DYNLRB2: variants seen among roughly 807,000 people sequenced by gnomAD.
DYNLRB2 encodes the protein dynein light chain roadblock-type 2, also known as bithoraxoid-like protein.
In DYNLRB2, 14 loss-of-function variants were observed where a neutral mutation model predicts 12.6. The ratio of observed to expected loss-of-function variants is 1.11; its 90% confidence interval spans 0.73 to 1.73. The LOEUF is 1.73. DYNLRB2 is among the 40% of genes most tolerant of loss of function. The probability of loss-of-function intolerance (pLI) is 0.00; values close to 1 mark genes in which losing one functional copy is unlikely to be tolerated. For synonymous variants in DYNLRB2, 53 were observed against 37.0 expected (o/e 1.43, Z -1.57); for missense variants, 142 against 117.7 (o/e 1.21, Z -0.95).
In DYNLRB2 at chr16:80,541,435, GA is replaced by G. The variant is rs915633504; in HGVS notation, c.3+364del. ...GGGGGCGGGAGGCCGAGATGGAGAG[GA>G]AAAAAAATCAGACCCTTAGAGAGAA... On this transcript the variant is annotated intron_variant, in intron 1 of 3. Transcript: ENST00000305904. 1.1e-5 allele frequency: 11 copies of G among 976,332 alleles called. No individual in the cohort carries two copies. The African/African-American group carries it at 1.6e-4, about 14-fold the overall frequency. 60.5% of individuals were successfully genotyped at this position (976,332 alleles called of 1,614,324 possible).
rs774319924 is a variant in DYNLRB2, at chr16:80,549,520, C to T, written c.116C>T (p.Thr39Ile). The T allele has an allele frequency of 6.2e-7, 1 of 1,612,146 alleles. No individual in the cohort carries two copies. The highest frequency in any genetic ancestry group is 8.5e-7 in the Non-Finnish European group (1 of 1,178,794). ...CGAACAACCTTGGACAACTCAACAACTGTTCAATATGCAGGCCTTCTTCAT... is the reference window on the plus strand; with the variant it reads ...CGAACAACCTTGGACAACTCAACAATTGTTCAATATGCAGGCCTTCTTCAT... Reference protein sequence around the residue: ...PIRTTLDNSTTVQYAGLLHHL... With the variant: ...PIRTTLDNSTIVQYAGLLHHL... Residue 39 changes from threonine to isoleucine, a missense_variant, in exon 3 of 4, where the codon ACT becomes ATT. Thr to Ile is a moderately conservative substitution (Grantham distance 89). Transcript: ENST00000305904.
intron 1 of DYNLRB2, among the ~76,000 whole-genome samples, chr16:80,541,921 C>G (rs1360002777): frequency 6.6e-6 from 1 of 152,204 alleles, no homozygotes; most frequent in Non-Finnish European, 1.5e-5. Flanking sequence ...TGCAAACATT[C>G]GTTGCTACAT....
At chr16:80,544,176 G>C (rs1025234164) in intron 2 of DYNLRB2, among the ~76,000 whole-genome samples, 2 of 152,182 alleles carry the variant, frequency 1.3e-5, no homozygotes, top group African/African-American at 4.8e-5. Context: ...CCAACTGAAA[G>C]TCTGCTTAAA....
intron 2 of DYNLRB2, 187 bp from the exon 3 acceptor site, chr16:80,549,297 C>G (rs546932356): frequency 1.8e-6 from 1 of 563,524 alleles, no homozygotes; most frequent in South Asian, 2.7e-5. Flanking sequence ...TTTCACACAA[C>G]TATACTTAAA....
chr16:80,545,197 T>G (rs575493460), intron 2 of DYNLRB2, among the ~76,000 whole-genome samples: 2 of 152,262 alleles, frequency 1.3e-5, no homozygotes, highest in South Asian at 4.2e-4. Flanking sequence ...CCCCCTTTGA[T>G]CTATAATTTT....
intron 3 of DYNLRB2, 133 bp downstream of exon 3, chr16:80,549,784 G>C: frequency 1.0e-6 from 1 of 1,004,278 alleles, no homozygotes; most frequent in Non-Finnish European, 1.3e-6. Flanking sequence ...ACAAAATGAT[G>C]TTTGAATGTA....
chr16:80,549,448 A>C, intron 2 of DYNLRB2, 36 bp from the exon 3 acceptor site: 1 of 1,540,030 alleles, frequency 6.5e-7, no homozygotes, highest in Non-Finnish European at 8.8e-7. Flanking sequence ...TTTTCTAATC[A>C]GAAAAAATAT....
At chr16:80,541,109 C>G in intron 1 of DYNLRB2, 30 bp downstream of exon 1, 1 of 1,605,480 alleles carries the variant, frequency 6.2e-7, no homozygotes, top group Non-Finnish European at 8.5e-7. Context: ...CCACGCCCCG[C>G]CGTTCCAAGC....
rs1397767103 is a variant in DYNLRB2 at position 80,550,591 on chromosome 16, T to A, written c.*33T>A. ...ATGGCCAAGGCTGTTTAAGCGACAC[T>A]GGGTTGGAAACACTTGGCTCTCTCA... On this transcript the variant is annotated 3_prime_UTR_variant, in exon 4 of 4. Coordinates refer to ENST00000305904, the MANE Select transcript of DYNLRB2 (RefSeq NM_130897.3). 1 of 1,613,466 alleles carries A rather than the reference T, an allele frequency of 6.2e-7. No individual in the cohort carries two copies. Among genetic ancestry groups the A allele is most frequent in the South Asian group, 1.1e-5 (1 of 91,064 alleles).
chr16:80,543,842 A>T (rs1904313823), intron 2 of DYNLRB2, among the ~76,000 whole-genome samples: 1 of 152,220 alleles, frequency 6.6e-6, no homozygotes, highest in Admixed American at 6.5e-5. Flanking sequence ...GATATAGCAT[A>T]AGAAGGCCCT....
At chr16:80,545,849 GTT>G (rs60244641) in intron 2 of DYNLRB2, among the ~76,000 whole-genome samples, 87 of 139,424 alleles carry the variant, frequency 6.2e-4, no homozygotes, top group Admixed American at 9.3e-4. Context: ...CTAATTTTTT[GTT>G]TTTTTTTTTT....
At chr16:80,549,975 C>A (rs902453283) in intron 3 of DYNLRB2, among the ~76,000 whole-genome samples, 2 of 152,176 alleles carry the variant, frequency 1.3e-5, no homozygotes, top group African/African-American at 4.8e-5. Context: ...GTTCCCTGTC[C>A]TGGGGATAAA....
intron 2 of DYNLRB2, among the ~76,000 whole-genome samples, chr16:80,543,855 A>G (rs566395231): frequency 6.6e-6 from 1 of 152,338 alleles, no homozygotes; most frequent in East Asian, 1.9e-4. Context: ...AAGGCCCTAC[A>G]TATTTCCAAC....
intron 2 of DYNLRB2, chr16:80,548,854 C>T: frequency 2.3e-6 from 1 of 438,792 alleles, no homozygotes; most frequent in South Asian, 1.6e-5. Context: ...TAACATAAAA[C>T]TTAAGATTTG....
At chr16:80,545,768 C>T (rs1459555783) in intron 2 of DYNLRB2, among the ~76,000 whole-genome samples, 1 of 148,916 alleles carries the variant, frequency 6.7e-6, no homozygotes, top group Admixed American at 6.8e-5. Context: ...CTCTGCCTCC[C>T]TGGTTCACGC....
intron 2 of DYNLRB2, 131 bp downstream of exon 2, chr16:80,543,482 T>G (rs1904308875): frequency 1.2e-6 from 1 of 830,474 alleles, no homozygotes; most frequent in South Asian, 1.8e-5. Context: ...GCTCTGGCAT[T>G]CACTTACCAA....
chr16:80,541,118 G>C (rs1477952911), intron 1 of DYNLRB2, 39 bp downstream of exon 1: 1 of 1,603,556 alleles, frequency 6.2e-7, no homozygotes, highest in Admixed American at 1.7e-5. Context: ...GCCGTTCCAA[G>C]CACGCCGACC....
At chr16:80,547,593 A>G (rs1401220886) in intron 2 of DYNLRB2, among the ~76,000 whole-genome samples, 1 of 152,208 alleles carries the variant, frequency 6.6e-6, no homozygotes, top group African/African-American at 2.4e-5. Flanking sequence ...TAATCCTGTC[A>G]TCTACATTTT....
At chr16:80,548,217 C>A (rs1904602248) in intron 2 of DYNLRB2, 1 of 169,110 alleles carries the variant, frequency 5.9e-6, no homozygotes. Context: ...AATCAAATCC[C>A]TGGCTATCTA....
Sources: gnomAD v4.1 joint callset for allele counts (sites outside exome capture counted in the v4.1 genomes callset) on GRCh38, gnomAD v4.1.1 for gene constraint, MANE v1.5 for transcripts, NCBI Gene and HGNC (gene_info 2026-07-23, HGNC 2026-07-21) for gene names.